The following CYP7B1 variants were observed in gnomAD, a reference collection of about 807,000 sequenced individuals.
CYP7B1 encodes the protein cytochrome P450 family 7 subfamily B member 1.
Under a neutral mutation model 42.7 loss-of-function variants are expected in CYP7B1, and 29 were observed. The observed-to-expected ratio is 0.68, with a 90% confidence interval of 0.51 to 0.93. The LOEUF (loss-of-function observed/expected upper bound fraction) is 0.93, where lower values mean the gene tolerates loss of function less well. Among genes scored for constraint, CYP7B1 ranks in the 40% least tolerant of loss-of-function variants. CYP7B1 has a pLI of 0.00. For synonymous variants in CYP7B1, 235 were observed against 218.2 expected, an observed-to-expected ratio of 1.08 and a Z score of -0.68; for missense variants, 655 against 600.5, an observed-to-expected ratio of 1.09 and a Z score of -0.95.
At chr8:64,657,820 A>AT (rs1423317450) in intron 1 of CYP7B1, among the ~76,000 whole-genome samples, 1 of 152,210 alleles carries the variant, frequency 6.6e-6, no homozygotes, top group Non-Finnish European at 1.5e-5. Flanking sequence ...GATGACAAAA[A>AT]TAACAGTGTA....
intron 1 of CYP7B1, among the ~76,000 whole-genome samples, chr8:64,768,427 AT>A (rs2129635230): frequency 6.6e-6 from 1 of 151,926 alleles, no homozygotes; most frequent in Admixed American, 6.5e-5. Flanking sequence ...CTTCTGATGC[AT>A]TTTCAATATT....
intron 2 of CYP7B1, among the ~76,000 whole-genome samples, chr8:64,619,972 AG>A (rs1366991905): frequency 1.3e-5 from 2 of 152,134 alleles, no homozygotes; most frequent in African/African-American, 4.8e-5. Context: ...ATTTGAGGCC[AG>A]GAGTTCAAGA....
chr8:64,773,462 T>C (rs78384056), intron 1 of CYP7B1, among the ~76,000 whole-genome samples: 2,991 of 152,322 alleles, frequency 0.02, 104 homozygotes, highest in African/African-American at 0.067. Context: ...ACACGCCTAC[T>C]CTTCAGCTTT....
chr8:64,627,602 T>C (rs1413619284), intron 1 of CYP7B1, among the ~76,000 whole-genome samples: 1 of 152,208 alleles, frequency 6.6e-6, no homozygotes, highest in Non-Finnish European at 1.5e-5. Flanking sequence ...GTATTCTTCA[T>C]GGGGTTTCCG....
intron 1 of CYP7B1, among the ~76,000 whole-genome samples, chr8:64,773,405 C>T (rs1257552374): frequency 6.6e-6 from 1 of 152,190 alleles, no homozygotes; most frequent in Non-Finnish European, 1.5e-5. Flanking sequence ...GGGATATTCC[C>T]TATCAATTGC....
At chr8:64,778,042 G>A (rs1439408642) in intron 1 of CYP7B1, among the ~76,000 whole-genome samples, 1 of 151,396 alleles carries the variant, frequency 6.6e-6, no homozygotes, top group Admixed American at 6.6e-5. Flanking sequence ...AAATGCTTTG[G>A]TCAAAAGTCC....
At chr8:64,624,663 C>G (rs1168465559) in intron 1 of CYP7B1, 124 bp from the exon 2 acceptor site, 2 of 1,098,168 alleles carry the variant, frequency 1.8e-6, no homozygotes, top group Non-Finnish European at 2.6e-6. Context: ...TCTTTCTATT[C>G]TCTTACTCAG....
chr8:64,723,547 C>T (rs1422521524), intron 1 of CYP7B1, among the ~76,000 whole-genome samples: 2 of 152,138 alleles, frequency 1.3e-5, no homozygotes, highest in Non-Finnish European at 2.9e-5. Flanking sequence ...CTAAGACAGT[C>T]AAGATTTGTA....
At position 64,596,681 on chromosome 8, in the gene CYP7B1, T is replaced by G; in HGVS notation, c.1482A>C (p.Pro494=). The G allele has an allele frequency of 6.2e-7, 1 of 1,613,418 alleles. No individual in the cohort carries two copies. The highest frequency in any genetic ancestry group is 8.5e-7 in the Non-Finnish European group (1 of 1,179,714). ...YSRLLFGIQY[P]DSDVLFRYKV... ...TGTATCTAAATAAAACATCAGAATC[T>G]GGATACTGAATACCAAACAACAAGC... Residue 494 remains proline, a synonymous_variant, in exon 6 of 6, where the codon CCA becomes CCC. Transcript: ENST00000310193.
At chr8:64,604,944 A>G (rs1350597733) in intron 4 of CYP7B1, 87 bp from the exon 5 acceptor site, 2 of 1,391,704 alleles carry the variant, frequency 1.4e-6, no homozygotes, top group Non-Finnish European at 2.0e-6. Flanking sequence ...CATTACTAAT[A>G]GCCTTGATTG....
intron 1 of CYP7B1, among the ~76,000 whole-genome samples, chr8:64,654,292 C>G (rs980756159): frequency 5.3e-5 from 8 of 152,186 alleles, no homozygotes; most frequent in African/African-American, 1.9e-4. Context: ...AGCCCAAAAG[C>G]TCCTTCAGTT....
intron 1 of CYP7B1, among the ~76,000 whole-genome samples, chr8:64,674,312 C>T (rs1488760054): frequency 6.6e-6 from 1 of 151,990 alleles, no homozygotes; most frequent in Non-Finnish European, 1.5e-5. Flanking sequence ...TTTGAGAATG[C>T]CTATGTTCCC....
intron 1 of CYP7B1, among the ~76,000 whole-genome samples, chr8:64,771,080 T>TTTTC (rs61295651): frequency 7.6e-6 from 1 of 132,320 alleles, no homozygotes; most frequent in Admixed American, 7.7e-5. Context: ...TTTTTTTTTT[T>TTTTC]AGACAGGGTC....
intron 1 of CYP7B1, among the ~76,000 whole-genome samples, chr8:64,728,502 A>G (rs1807355906): frequency 6.6e-6 from 1 of 152,242 alleles, no homozygotes; most frequent in African/African-American, 2.4e-5. Context: ...TTAAGGTGTC[A>G]GTTACACCAA....
intron 1 of CYP7B1, among the ~76,000 whole-genome samples, chr8:64,631,810 G>GA (rs1455270586): frequency 3.3e-5 from 5 of 152,096 alleles, no homozygotes; most frequent in Admixed American, 6.5e-5. Flanking sequence ...AACAGGTATT[G>GA]AAAAAATGCC....
intron 1 of CYP7B1, among the ~76,000 whole-genome samples, chr8:64,784,972 C>T (rs1804496932): frequency 6.6e-6 from 1 of 152,032 alleles, no homozygotes; most frequent in South Asian, 2.1e-4. Context: ...ACAGTATTTT[C>T]AAAATATCCA....
intron 1 of CYP7B1, among the ~76,000 whole-genome samples, chr8:64,656,091 C>G (rs117732106): frequency 0.048 from 7,282 of 152,110 alleles, 595 homozygotes; most frequent in East Asian, 0.32. Flanking sequence ...ATGAAATAAT[C>G]TGTACAAGAA....
At chr8:64,659,336 C>A (rs1802564657) in intron 1 of CYP7B1, among the ~76,000 whole-genome samples, 1 of 152,018 alleles carries the variant, frequency 6.6e-6, no homozygotes, top group African/African-American at 2.4e-5. Flanking sequence ...TCTCATTGTA[C>A]AAAATTTCAT....
chr8:64,678,701 G>A (rs35496398), intron 1 of CYP7B1, among the ~76,000 whole-genome samples: 3 of 152,126 alleles, frequency 2.0e-5, no homozygotes, highest in Non-Finnish European at 4.4e-5. Flanking sequence ...AGAAAATAAA[G>A]AGGAAAACGC....
Sources: allele counts gnomAD v4.1 joint callset (sites outside exome capture counted in the v4.1 genomes callset), GRCh38; gene constraint gnomAD v4.1.1; transcripts MANE v1.5; gene names NCBI Gene and HGNC (gene_info 2026-07-23, HGNC 2026-07-21).